The following NRXN3 variants were observed in gnomAD, a reference collection of about 807,000 sequenced individuals.
NRXN3 encodes the protein neurexin III.
NRXN3 carries 32 observed loss-of-function variants against 137.6 expected under a neutral mutation model. That is an observed-to-expected ratio of 0.23 (90% CI 0.18 to 0.31). NRXN3 has a LOEUF of 0.31. Ranked by LOEUF, NRXN3 falls within the 10% of genes least tolerant of loss-of-function variation. The pLI is 1.00. For missense variants in NRXN3, 1,574 were observed against 2,062.5 expected (o/e 0.76, Z 4.59); for synonymous variants, 798 against 784.5 (o/e 1.02, Z -0.29).
intron 3 of NRXN3, among the ~76,000 whole-genome samples, chr14:78,294,475 G>A (rs1285261468): frequency 6.9e-6 from 1 of 145,288 alleles, no homozygotes; most frequent in East Asian, 2.0e-4. Flanking sequence ...AGAATCACTT[G>A]AATCTGGGAG....
At chr14:78,781,006 T>A (rs1252274808) in intron 8 of NRXN3, among the ~76,000 whole-genome samples, 4 of 152,164 alleles carry the variant, frequency 2.6e-5, no homozygotes, top group African/African-American at 9.7e-5. Context: ...CACTGCTTGT[T>A]ATGTGAAAAA....
chr14:78,697,008 A>G (rs1165706828), intron 6 of NRXN3, among the ~76,000 whole-genome samples: 1 of 152,092 alleles, frequency 6.6e-6, no homozygotes, highest in Non-Finnish European at 1.5e-5. Context: ...CCCGTAGCAG[A>G]CATTGCTCGT....
rs141068120 is a variant in NRXN3, at chr14:78,871,361, C to T, written c.2275+61017C>T. Among the ~76,000 whole-genome samples the T allele has an allele frequency of 6.6e-5, 10 of 152,070 alleles. No individual in the cohort carries two copies. In the East Asian group the frequency reaches 1.5e-3, roughly 24 times the overall value. On this transcript the variant is annotated intron_variant, in intron 10 of 20. Coordinates refer to ENST00000335750, the MANE Select transcript of NRXN3 (RefSeq NM_001330195.2). ...TCTCAGTCATCCTATCATGTTTCTA[C>T]TCTTCAATGGGAAAAATTAATTTAT... is the stretch of plus-strand genomic sequence containing the variant.
chr14:78,717,062 T>G (rs914337719), intron 8 of NRXN3, among the ~76,000 whole-genome samples: 2 of 152,146 alleles, frequency 1.3e-5, no homozygotes, highest in African/African-American at 4.8e-5. Flanking sequence ...AGTTTTGGTG[T>G]TTGCCAAAGT....
rs1055783220 is a variant in NRXN3 at position 79,435,667 on chromosome 14, G to T, written c.3263-31554G>T. On this transcript the variant is annotated intron_variant, in intron 15 of 20. Transcript: ENST00000335750. ...TTTGTTTGTTTTGAGACAGGATCTC[G>T]CTCTGTCACCCAGGCTAAGTGCAGT... Among the ~76,000 whole-genome samples, 8 of 147,328 alleles carry T rather than the reference G, an allele frequency of 5.4e-5. 1 individual carries two copies. The Admixed American group carries it at 5.4e-4, about 10-fold the overall frequency.
intron 5 of NRXN3, among the ~76,000 whole-genome samples, chr14:78,647,610 TGGG>T (rs1012942038): frequency 6.6e-6 from 1 of 152,162 alleles, no homozygotes; most frequent in African/African-American, 2.4e-5. Context: ...CCTACAGTAT[TGGG>T]GGTATTTCTT....
intron 14 of NRXN3, among the ~76,000 whole-genome samples, chr14:78,982,868 A>G (rs1027509694): frequency 1.6e-4 from 24 of 152,172 alleles, no homozygotes; most frequent in African/African-American, 5.5e-4. Context: ...TTGGGAGAAA[A>G]TATTTGTGAA....
chr14:78,571,713 G>A (rs1326108278), intron 4 of NRXN3, among the ~76,000 whole-genome samples: 4 of 152,104 alleles, frequency 2.6e-5, no homozygotes, highest in African/African-American at 7.2e-5. Context: ...ACACATTCAC[G>A]CAACACAAAG....
chr14:79,263,701 A>G (rs1287242567), intron 15 of NRXN3, among the ~76,000 whole-genome samples: 1 of 152,240 alleles, frequency 6.6e-6, no homozygotes, highest in African/African-American at 2.4e-5. Context: ...GTTCTTTAAA[A>G]ATATAAAGAA....
chr14:78,397,265 C>A (rs1266279105), intron 4 of NRXN3, among the ~76,000 whole-genome samples: 1 of 152,162 alleles, frequency 6.6e-6, no homozygotes, highest in Non-Finnish European at 1.5e-5. Flanking sequence ...AGCCATGCCT[C>A]CTTTGTCCTC....
chr14:78,977,554 G>C (rs2099472246), intron 14 of NRXN3, among the ~76,000 whole-genome samples: 4 of 151,996 alleles, frequency 2.6e-5, no homozygotes, highest in Admixed American at 2.6e-4. Flanking sequence ...AGAGTTATTT[G>C]ACCTTTGTGA....
chr14:79,816,519 C>T (rs1159138456), intron 20 of NRXN3, among the ~76,000 whole-genome samples: 1 of 152,152 alleles, frequency 6.6e-6, no homozygotes, highest in Non-Finnish European at 1.5e-5. Flanking sequence ...TGAGAATGTC[C>T]ACTTTGACTA....
chr14:78,507,040 G>A (rs1490063134), intron 4 of NRXN3, among the ~76,000 whole-genome samples: 2 of 152,040 alleles, frequency 1.3e-5, no homozygotes, highest in African/African-American at 4.8e-5. Context: ...ATTAATTTGA[G>A]TGTTTAAAAC....
chr14:79,156,402 A>G (rs1399808294), intron 15 of NRXN3, among the ~76,000 whole-genome samples: 1 of 151,844 alleles, frequency 6.6e-6, no homozygotes, highest in East Asian at 1.9e-4. Flanking sequence ...AAGTATGTTT[A>G]TGGTCTATGT....
chr14:79,458,605 A>C (rs949694970), intron 15 of NRXN3, among the ~76,000 whole-genome samples: 2 of 152,310 alleles, frequency 1.3e-5, no homozygotes, highest in East Asian at 1.9e-4. Context: ...AGGAGCTCGT[A>C]GTAGAGAAGC....
At position 79,857,164 on chromosome 14, in the gene NRXN3, A is replaced by T. The variant is rs574094425; in HGVS notation, c.4094-4178A>T. 2.1e-4 allele frequency among the ~76,000 whole-genome samples: 32 copies of T among 152,300 alleles called. 2 individuals are homozygous for T. In the South Asian group the frequency reaches 6.4e-3, roughly 31 times the overall value. On this transcript the variant is annotated intron_variant, in intron 20 of 20. Coordinates refer to ENST00000335750, the MANE Select transcript of NRXN3 (RefSeq NM_001330195.2). ...TACTTGAACATTTCTCAGGGTAGTCACTTTTGATTAAAATAAACAAGAAGC... is the reference window on the plus strand; with the variant it reads ...TACTTGAACATTTCTCAGGGTAGTCTCTTTTGATTAAAATAAACAAGAAGC...
At chr14:78,990,242 A>G (rs1011074300) in intron 15 of NRXN3, among the ~76,000 whole-genome samples, 4 of 152,136 alleles carry the variant, frequency 2.6e-5, no homozygotes, top group Non-Finnish European at 5.9e-5. Context: ...ATTATAGCAG[A>G]CTTGGGAAAC....
chr14:78,580,668 T>C (rs1001834896), intron 4 of NRXN3, among the ~76,000 whole-genome samples: 3 of 152,208 alleles, frequency 2.0e-5, no homozygotes, highest in African/African-American at 7.2e-5. Flanking sequence ...AGGTGACTAT[T>C]AGAGGTGCTT....
Position 78,726,947 on chromosome 14 carries a change from G to C in NRXN3, c.2044+11808G>C, listed in dbSNP as rs111905930. Among the ~76,000 whole-genome samples, 36 of 117,962 alleles carry C rather than the reference G, an allele frequency of 3.1e-4. 1 individual carries two copies. The Middle Eastern group carries it at 0.029, about 94-fold the overall frequency. 77.4% of individuals were successfully genotyped at this position (117,962 alleles called of 152,430 possible). The stretch of plus-strand genomic sequence containing the variant: ...TGGTTCAGGCTTTGGGAGCTATACA[G>C]GATTTATTCACTAAAAAAAAAAAAA... On this transcript the variant is annotated intron_variant, in intron 8 of 20. Coordinates refer to ENST00000335750, the MANE Select transcript of NRXN3 (RefSeq NM_001330195.2).
Sources: gnomAD v4.1 joint callset for allele counts (sites outside exome capture counted in the v4.1 genomes callset) on GRCh38, gnomAD v4.1.1 for gene constraint, MANE v1.5 for transcripts, NCBI Gene and HGNC (gene_info 2026-07-23, HGNC 2026-07-21) for gene names.